FHAD1: variants seen among roughly 807,000 people sequenced by gnomAD.
The protein encoded by FHAD1 is forkhead associated phosphopeptide binding domain 1, also known as forkhead-associated domain-containing protein 1.
Under a neutral mutation model 191.3 loss-of-function variants are expected in FHAD1, and 146 were observed. The ratio of observed to expected loss-of-function variants is 0.76; its 90% CI spans 0.67 to 0.88. The LOEUF (loss-of-function observed/expected upper bound fraction) is 0.88, where lower values mean the gene tolerates loss of function less well. FHAD1 is among the 40% of genes least tolerant of loss of function. The pLI is 0.00. For synonymous variants in FHAD1, 616 were observed against 672.3 expected (o/e 0.92, Z 1.29); for missense variants, 1,635 against 1,785.8 (o/e 0.92, Z 1.52).
chr1:15,319,421 C>G (rs1675557398), intron 10 of FHAD1, among the ~76,000 whole-genome samples: 2 of 152,022 alleles, frequency 1.3e-5, no homozygotes, highest in South Asian at 2.1e-4. Context: ...ACAGTTAAGA[C>G]TATACAAAGT....
At chr1:15,333,030 G>A (rs534573073) in intron 14 of FHAD1, among the ~76,000 whole-genome samples, 8 of 152,250 alleles carry the variant, frequency 5.3e-5, no homozygotes, top group East Asian at 3.9e-4. Context: ...TTGGGGAAAC[G>A]GTGGTCTGCT....
chr1:15,241,678 C>CAA (rs61608453), intron 1 of FHAD1, among the ~76,000 whole-genome samples: 19 of 151,518 alleles, frequency 1.3e-4, no homozygotes, highest in African/African-American at 3.9e-4. Context: ...AACAAACAAA[C>CAA]AAAAAAAACC....
intron 2 of FHAD1, among the ~76,000 whole-genome samples, chr1:15,268,043 G>A (rs903653717): frequency 4.0e-5 from 6 of 150,464 alleles, no homozygotes; most frequent in African/African-American, 1.5e-4. Flanking sequence ...TGTGCACAAT[G>A]TGCAGGTTAG....
Position 15,349,076 on chromosome 1 carries a change from A to C in FHAD1, c.2381A>C (p.Lys794Thr). ...LESSIAHEKRKAKEALESEKR... is the reference protein window; with the variant it reads ...LESSIAHEKRTAKEALESEKR... ...AGCAGCATAGCCCATGAAAAAAGAAAAGCAAAGGAAGCCTTGGAGTCGGAA... is the reference window on the plus strand; with the variant it reads ...AGCAGCATAGCCCATGAAAAAAGAACAGCAAAGGAAGCCTTGGAGTCGGAA... Residue 794 changes from lysine (K) to threonine (T), a missense_variant, in exon 19 of 34, where the codon AAA becomes ACA. By Grantham distance (78) the Lys-to-Thr change is moderately conservative. Coordinates refer to ENST00000688493, the MANE Select transcript of FHAD1 (RefSeq NM_001391957.1). 6.4e-7 allele frequency: 1 copy of C among 1,551,782 alleles called. No homozygotes were observed. Among genetic ancestry groups the C allele is most frequent in the Non-Finnish European group, 8.7e-7 (1 of 1,147,016 alleles).
chr1:15,269,140 T>C (rs1010408566), intron 2 of FHAD1, among the ~76,000 whole-genome samples: 1 of 152,116 alleles, frequency 6.6e-6, no homozygotes, highest in Non-Finnish European at 1.5e-5. Flanking sequence ...TTTCTTTGAT[T>C]CTCTCTATTG....
intron 4 of FHAD1, among the ~76,000 whole-genome samples, chr1:15,295,059 C>T (rs1239755556): frequency 6.6e-6 from 1 of 152,124 alleles, no homozygotes; most frequent in Admixed American, 6.6e-5. Context: ...ACACTGGTAT[C>T]CTACTTTTTA....
rs1049844878 is a variant in FHAD1, at chr1:15,388,057, G to A, written c.4195G>A (p.Val1399Ile). 2.3e-6 allele frequency: 3 copies of A among 1,289,368 alleles called. No homozygotes were observed. The highest frequency in any genetic ancestry group is 3.0e-5 in the African/African-American group (2 of 65,838). The allele number at this position is 1,289,368 out of a possible 1,614,324, so 79.9% of individuals were successfully genotyped here. A position where few individuals can be genotyped will look rare whatever the true frequency, so the allele number is the denominator to read the frequency against. Residue 1399 changes from valine (V) to isoleucine (I), a missense_variant, in exon 32 of 34, where the codon GTA becomes ATA. Transcript: ENST00000688493. ...CCTGATACTTTTCACTCAGGAAAGT[G>A]TAGAGGAGCACGAACTGAGAAACGC... ...NRAIRQQKESVEEHELRNAKE... is the reference protein window; with the variant it reads ...NRAIRQQKESIEEHELRNAKE...
chr1:15,350,037 A>C (rs550469954), intron 19 of FHAD1, among the ~76,000 whole-genome samples: 1 of 152,364 alleles, frequency 6.6e-6, no homozygotes, highest in East Asian at 1.9e-4. Flanking sequence ...GCACAGACAC[A>C]CACGTGCCAG....
At chr1:15,362,806 A>G in intron 23 of FHAD1, 80 bp downstream of exon 23, 2 of 1,079,378 alleles carry the variant, frequency 1.9e-6, no homozygotes, top group South Asian at 2.7e-5. Context: ...ACCAGCCCCT[A>G]CCTGGGCCAC....
intron 4 of FHAD1, among the ~76,000 whole-genome samples, chr1:15,294,045 G>A (rs1388748607): frequency 2.6e-5 from 4 of 152,152 alleles, no homozygotes; most frequent in Non-Finnish European, 4.4e-5. Context: ...CTTCCACCGT[G>A]TTTCCCTGAT....
chr1:15,371,695 T>G (rs1204458956), intron 26 of FHAD1, among the ~76,000 whole-genome samples: 1 of 152,224 alleles, frequency 6.6e-6, no homozygotes, highest in Non-Finnish European at 1.5e-5. Context: ...GGTTGTTTAC[T>G]GCCGGGGCAA....
At chr1:15,373,521 A>AT (rs1368218866) in intron 26 of FHAD1, among the ~76,000 whole-genome samples, 1 of 151,218 alleles carries the variant, frequency 6.6e-6, no homozygotes. Flanking sequence ...AAAAAAAAAA[A>AT]TGGTGAAAAA....
intron 33 of FHAD1, among the ~76,000 whole-genome samples, chr1:15,394,137 A>G (rs1469911134): frequency 6.6e-6 from 1 of 152,218 alleles, no homozygotes; most frequent in Non-Finnish European, 1.5e-5. Flanking sequence ...TGCATTTCAC[A>G]TTCCCCATTC....
intron 20 of FHAD1, among the ~76,000 whole-genome samples, chr1:15,354,542 C>T (rs1692059857): frequency 6.6e-6 from 1 of 152,162 alleles, no homozygotes; most frequent in Non-Finnish European, 1.5e-5. Context: ...GCAGTCTCTT[C>T]CCAAGCAGCC....
chr1:15,349,184 G>T, intron 19 of FHAD1, 35 bp downstream of exon 19: 1 of 1,449,992 alleles, frequency 6.9e-7, no homozygotes, highest in South Asian at 1.2e-5. Flanking sequence ...CCTCTGGAAG[G>T]AACTACAAAG....
chr1:15,345,005 A>G (rs1688293878), intron 16 of FHAD1, 78 bp from the exon 17 acceptor site: 4 of 1,072,752 alleles, frequency 3.7e-6, no homozygotes, highest in South Asian at 1.4e-5. Context: ...GTGAAGAGGT[A>G]GCACATGCAG....
intron 24 of FHAD1, among the ~76,000 whole-genome samples, chr1:15,366,950 G>A (rs1027547898): frequency 3.9e-5 from 6 of 152,306 alleles, no homozygotes; most frequent in African/African-American, 1.4e-4. Context: ...AGTGGAGGAA[G>A]GGAAGAGAAT....
intron 26 of FHAD1, among the ~76,000 whole-genome samples, chr1:15,372,426 C>T (rs185883716): frequency 6.6e-6 from 1 of 152,296 alleles, no homozygotes; most frequent in Non-Finnish European, 1.5e-5. Flanking sequence ...CTCTCCTCTG[C>T]GTTCTTTTCC....
At chr1:15,338,319 T>A (rs1286230690) in intron 14 of FHAD1, among the ~76,000 whole-genome samples, 2 of 152,238 alleles carry the variant, frequency 1.3e-5, no homozygotes, top group Non-Finnish European at 1.5e-5. Flanking sequence ...CTTCAGCCTC[T>A]AGAGCTTCAT....
Sources: gnomAD v4.1 joint callset for allele counts (sites outside exome capture counted in the v4.1 genomes callset) on GRCh38, gnomAD v4.1.1 for gene constraint, MANE v1.5 for transcripts, NCBI Gene and HGNC (gene_info 2026-07-23, HGNC 2026-07-21) for gene names.